The following ZCCHC24 variants were observed in gnomAD, a reference collection of about 807,000 sequenced individuals.
The protein encoded by ZCCHC24 is zinc finger CCHC domain-containing protein 24.
A neutral mutation model predicts 26.2 loss-of-function variants in ZCCHC24; 10 were observed. The observed-to-expected ratio is 0.38, with a 90% CI of 0.24 to 0.65. The LOEUF is 0.65. Ranked by LOEUF, ZCCHC24 falls within the 30% of genes least tolerant of loss-of-function variation. The probability of loss-of-function intolerance (pLI) is 0.54; values close to 1 mark genes in which losing one functional copy is unlikely to be tolerated. For synonymous variants in ZCCHC24, 144 were observed against 147.1 expected (o/e 0.98, Z 0.15); for missense variants, 243 against 329.1 (o/e 0.74, Z 2.03).
intron 2 of ZCCHC24, among the ~76,000 whole-genome samples, chr10:79,430,111 A>C (rs1362562968): frequency 6.6e-6 from 1 of 152,192 alleles, no homozygotes; most frequent in Non-Finnish European, 1.5e-5. Flanking sequence ...ACATTTACTA[A>C]GCACTTCCTG....
At chr10:79,441,395 T>A (rs1285107903) in intron 1 of ZCCHC24, among the ~76,000 whole-genome samples, 1 of 152,042 alleles carries the variant, frequency 6.6e-6, no homozygotes, top group African/African-American at 2.4e-5. Context: ...TTGTTAAGCC[T>A]TGTGACACCC....
At chr10:79,430,712 A>ACACACACACACCCC (rs1311631405) in intron 2 of ZCCHC24, among the ~76,000 whole-genome samples, 3 of 149,126 alleles carry the variant, frequency 2.0e-5, no homozygotes, top group Non-Finnish European at 4.5e-5. Flanking sequence ...ACACACACAC[A>ACACACACACACCCC]CCCTCTGCTA....
intron 2 of ZCCHC24, among the ~76,000 whole-genome samples, chr10:79,395,434 T>G (rs1856533462): frequency 6.6e-6 from 1 of 152,246 alleles, no homozygotes; most frequent in Non-Finnish European, 1.5e-5. Flanking sequence ...TGCACATGTG[T>G]GAGTGTATTT....
chr10:79,403,621 A>G (rs1470379647), intron 2 of ZCCHC24: 1 of 984,364 alleles, frequency 1.0e-6, no homozygotes, highest in East Asian at 1.1e-4. Context: ...TGGAGCCTCA[A>G]GGGCCTCCTT....
chr10:79,389,528 T>TTGTGTGTGTGTGTGTG (rs1564631249), intron 3 of ZCCHC24, among the ~76,000 whole-genome samples: 30 of 65,256 alleles, frequency 4.6e-4, no homozygotes, highest in African/African-American at 1.9e-3. Flanking sequence ...GACTTTTTCC[T>TTGTGTGTGTGTGTGTG]AGTGTGTGTG....
chr10:79,402,911 C>T (rs1856656679), intron 2 of ZCCHC24, among the ~76,000 whole-genome samples: 1 of 152,304 alleles, frequency 6.6e-6, no homozygotes, highest in South Asian at 2.1e-4. Context: ...CCCTGGCCAC[C>T]ACCTCAATAT....
intron 2 of ZCCHC24, among the ~76,000 whole-genome samples, chr10:79,420,987 G>T (rs72820310): frequency 0.077 from 11,752 of 152,216 alleles, 514 homozygotes; most frequent in East Asian, 0.17. Context: ...TTTCCCAAAG[G>T]CACATAGCAC....
chr10:79,429,245 G>T (rs1165826893), intron 2 of ZCCHC24, among the ~76,000 whole-genome samples: 1 of 152,190 alleles, frequency 6.6e-6, no homozygotes, highest in Admixed American at 6.5e-5. Flanking sequence ...TACAGAGAGA[G>T]AAATAGATGA....
Position 79,382,768 on chromosome 10 carries a change from G to GT in ZCCHC24, c.*3576dup, listed in dbSNP as rs1174344293. 2.0e-5 allele frequency: 3 copies of GT among 152,974 alleles called. No homozygotes were observed. In the East Asian group the frequency reaches 5.6e-4, roughly 29 times the overall value. 9.5% of individuals were successfully genotyped at this position (152,974 alleles called of 1,614,324 possible). On this transcript the variant is annotated 3_prime_UTR_variant, in exon 4 of 4. Coordinates refer to ENST00000372336, the MANE Select transcript of ZCCHC24 (RefSeq NM_153367.4). ...GTCTATTAGATGCTGGAGGGCTGGTGTAAGGGCTCCGGTTGACATTTCCAA... is the reference window on the plus strand; with the variant it reads ...GTCTATTAGATGCTGGAGGGCTGGTGTTAAGGGCTCCGGTTGACATTTCCAA...
At chr10:79,388,501 G>A (rs965980505) in intron 3 of ZCCHC24, among the ~76,000 whole-genome samples, 4 of 152,160 alleles carry the variant, frequency 2.6e-5, no homozygotes, top group African/African-American at 7.2e-5. Context: ...CTGGGTCCCT[G>A]TCACCTCATC....
chr10:79,384,345 G>C lies in ZCCHC24; in HGVS notation c.*2000C>G, dbSNP rs1856362047. 6.6e-6 allele frequency: 1 copy of C among 152,436 alleles called. No individual in the cohort carries two copies. The highest frequency in any genetic ancestry group is 6.5e-5 in the Admixed American group (1 of 15,292). 9.4% of individuals were successfully genotyped at this position (152,436 alleles called of 1,614,324 possible). On this transcript the variant is annotated 3_prime_UTR_variant, in exon 4 of 4. Transcript: ENST00000372336. ...CTTGGGCCAAGGTCCCCCATGGCCGGGTCCCTGGAAGGGTTGGCACAGGCA... is the reference window on the plus strand; with the variant it reads ...CTTGGGCCAAGGTCCCCCATGGCCGCGTCCCTGGAAGGGTTGGCACAGGCA...
chr10:79,425,185 C>A (rs546350758), intron 2 of ZCCHC24, among the ~76,000 whole-genome samples: 41 of 152,222 alleles, frequency 2.7e-4, no homozygotes, highest in Non-Finnish European at 5.4e-4. Context: ...CTGCTCAGGC[C>A]TTCAGAGTCC....
At chr10:79,417,022 C>T (rs536180565) in intron 2 of ZCCHC24, among the ~76,000 whole-genome samples, 19 of 152,352 alleles carry the variant, frequency 1.2e-4, no homozygotes, top group African/African-American at 4.6e-4. Context: ...AACGCAATGG[C>T]TCACACTTGC....
chr10:79,429,359 G>A (rs1349484864), intron 2 of ZCCHC24, among the ~76,000 whole-genome samples: 2 of 152,162 alleles, frequency 1.3e-5, no homozygotes, highest in African/African-American at 4.8e-5. Context: ...GAGGCAGGTG[G>A]ATCACTTAGA....
At chr10:79,403,471 G>A in intron 2 of ZCCHC24, 1 of 985,458 alleles carries the variant, frequency 1.0e-6, no homozygotes, top group Non-Finnish European at 1.2e-6. Context: ...CTGCGTCCCT[G>A]CAGCCTGGTC....
intron 1 of ZCCHC24, 45 bp downstream of exon 1, chr10:79,445,150 G>C (rs1857346772): frequency 7.9e-7 from 1 of 1,263,670 alleles, no homozygotes; most frequent in East Asian, 3.2e-5. Context: ...ACGGTGGGGC[G>C]GTGGGGCGGT....
At chr10:79,421,077 G>A (rs1261124159) in intron 2 of ZCCHC24, among the ~76,000 whole-genome samples, 3 of 152,214 alleles carry the variant, frequency 2.0e-5, no homozygotes, top group Non-Finnish European at 4.4e-5. Flanking sequence ...TCACTGAAAG[G>A]AGAGGGCTTC....
chr10:79,386,399 C>T lies in ZCCHC24; in HGVS notation c.672G>A (p.Gln224=). 1 of 1,612,360 alleles carries T rather than the reference C, an allele frequency of 6.2e-7. No homozygotes were observed. The highest frequency in any genetic ancestry group is 8.5e-7 in the Non-Finnish European group (1 of 1,178,836). ...DVSDQSKEHP[Q]HLCEKCKVLG... is the part of the protein sequence containing the mutation. ...GGACCTTGCACTTCTCGCAGAGGTG[C>T]TGCGGGTGCTCCTTGCTCTGGTCGG... The change falls in exon 4 of 4, where the codon CAG becomes CAA. Residue 224 remains glutamine (Q), a synonymous_variant. Coordinates refer to ENST00000372336, the MANE Select transcript of ZCCHC24 (RefSeq NM_153367.4).
At position 79,444,312 on chromosome 10, in the gene ZCCHC24, T is replaced by C. The variant is rs924529445; in HGVS notation, c.246+883A>G. The C allele has an allele frequency of 9.5e-6, 13 of 1,364,142 alleles. No individual in the cohort carries two copies. In the South Asian group the frequency reaches 2.2e-4, roughly 23 times the overall value. 84.5% of individuals were successfully genotyped at this position (1,364,142 alleles called of 1,614,324 possible). The stretch of plus-strand genomic sequence containing the variant: ...TGGTATCTGGGCAGGCCCTGGAGAC[T>C]CTTCAAAAAGGGCTGGGAGGTGGTG... On this transcript the variant is annotated intron_variant, in intron 1 of 3. Transcript: ENST00000372336.
Sources: allele counts gnomAD v4.1 joint callset (sites outside exome capture counted in the v4.1 genomes callset), GRCh38; gene constraint gnomAD v4.1.1; transcripts MANE v1.5; gene names NCBI Gene and HGNC (gene_info 2026-07-23, HGNC 2026-07-21).